ICA1: variants seen among roughly 807,000 people sequenced by gnomAD.
ICA1 encodes the protein 69 kDa islet cell autoantigen.
A neutral mutation model predicts 71.0 loss-of-function variants in ICA1; 40 were observed. That is an observed-to-expected ratio of 0.56 (90% CI 0.44 to 0.73). The LOEUF (loss-of-function observed/expected upper bound fraction) is 0.73, where lower values mean the gene tolerates loss of function less well. ICA1 is among the 30% of genes least tolerant of loss of function. ICA1 has a pLI of 0.00. For synonymous variants in ICA1, 207 were observed against 209.5 expected, an observed-to-expected ratio of 0.99 and a Z score of 0.10; for missense variants, 578 against 576.5, an observed-to-expected ratio of 1.00 and a Z score of -0.03.
intron 2 of ICA1, among the ~76,000 whole-genome samples, chr7:8,233,394 A>T (rs1003304357): frequency 4.9e-5 from 7 of 142,730 alleles, no homozygotes; most frequent in African/African-American, 1.0e-4. Flanking sequence ...TATTCTTGGT[A>T]TTTTTTTTTT....
chr7:8,243,975 G>C (rs1370986618), intron 1 of ICA1, among the ~76,000 whole-genome samples: 1 of 152,148 alleles, frequency 6.6e-6, no homozygotes, highest in Non-Finnish European at 1.5e-5. Flanking sequence ...TCAATATTGT[G>C]AAAATGGCCA....
At chr7:8,199,638 C>A (rs770340925) in intron 6 of ICA1, among the ~76,000 whole-genome samples, 4 of 152,242 alleles carry the variant, frequency 2.6e-5, no homozygotes, top group Admixed American at 2.0e-4. Context: ...TGCCTGAACC[C>A]AGGAGGCAGA....
In ICA1 at chr7:8,130,639, G is replaced by A. The variant is rs551549461; in HGVS notation, c.1061-2497C>T. On this transcript the variant is annotated intron_variant, in intron 12 of 13. Transcript: ENST00000402384. The surrounding 1 kb of genome is among the most constrained non-coding windows in gnomAD (Gnocchi z 4.2). ...AGCAGATAATTTCAAATGCACCTTG[G>A]AAATGACGTATGTTCCTTCTACAGT... Among the ~76,000 whole-genome samples, 266 of 152,236 alleles carry A rather than the reference G, an allele frequency of 1.7e-3. 1 individual carries two copies. The highest frequency in any genetic ancestry group is 6.0e-3 in the African/African-American group (251 of 41,542).
chr7:8,195,674 G>A (rs746033454), intron 6 of ICA1, among the ~76,000 whole-genome samples: 55 of 152,018 alleles, frequency 3.6e-4, no homozygotes, highest in Non-Finnish European at 5.7e-4. Context: ...GCTCCTTGGT[G>A]TCCACCTGGA....
At chr7:8,209,828 C>G (rs1793010345) in intron 6 of ICA1, among the ~76,000 whole-genome samples, 1 of 152,126 alleles carries the variant, frequency 6.6e-6, no homozygotes, top group South Asian at 2.1e-4. Context: ...GTGGGAGAAA[C>G]AGAGCCTGCA....
intron 8 of ICA1, among the ~76,000 whole-genome samples, chr7:8,148,762 A>C (rs1433167294): frequency 3.3e-5 from 5 of 152,222 alleles, no homozygotes; most frequent in African/African-American, 1.2e-4. Context: ...AGCAAGGAAA[A>C]AAACAATAAC....
rs531077174 is a variant in ICA1, at chr7:8,120,182, T to C, written c.1331-6138A>G. Among the ~76,000 whole-genome samples the C allele has an allele frequency of 7.2e-5, 11 of 152,316 alleles. No homozygotes were observed. In the South Asian group the frequency reaches 2.3e-3, roughly 32 times the overall value. ...AGGGTATCATTATTCCCTTTCCCCG[T>C]AGTGTGAGGCAGAAACAACAGCCAG... On this transcript the variant is annotated intron_variant, in intron 13 of 13. Transcript: ENST00000402384.
chr7:8,192,196 C>A (rs1355559698), intron 6 of ICA1, among the ~76,000 whole-genome samples: 1 of 152,102 alleles, frequency 6.6e-6, no homozygotes, highest in East Asian at 1.9e-4. Flanking sequence ...TATCAATTGT[C>A]CCAATAATAT....
chr7:8,219,945 A>T (rs1181142878), intron 5 of ICA1, among the ~76,000 whole-genome samples: 1 of 152,208 alleles, frequency 6.6e-6, no homozygotes, highest in Admixed American at 6.5e-5. Flanking sequence ...ATATTTTTTT[A>T]GGAATCAATT....
At chr7:8,158,754 GAA>G in intron 6 of ICA1, 102 bp from the exon 7 acceptor site, 1 of 1,214,982 alleles carries the variant, frequency 8.2e-7, no homozygotes, top group South Asian at 1.5e-5. Context: ...TTTCACATAT[GAA>G]AAGACTTTTG....
chr7:8,204,415 C>T (rs1017286091), intron 6 of ICA1, among the ~76,000 whole-genome samples: 2 of 152,184 alleles, frequency 1.3e-5, no homozygotes, highest in Non-Finnish European at 1.5e-5. Context: ...TTCATACCCT[C>T]GCTAAACTCT....
At chr7:8,191,882 C>A (rs1159095290) in intron 6 of ICA1, among the ~76,000 whole-genome samples, 2 of 151,880 alleles carry the variant, frequency 1.3e-5, no homozygotes, top group African/African-American at 4.8e-5. Flanking sequence ...AACATAATTC[C>A]AGACTTCTAG....
chr7:8,262,543 C>T (rs545787639), upstream of ICA1: 2 of 152,366 alleles, frequency 1.3e-5, no homozygotes, highest in African/African-American at 4.8e-5. Flanking sequence ...CGCTCGGATC[C>T]GCCGCCCAGA....
intron 1 of ICA1, among the ~76,000 whole-genome samples, chr7:8,259,040 C>T (rs1450261269): frequency 6.6e-6 from 1 of 152,162 alleles, no homozygotes; most frequent in Non-Finnish European, 1.5e-5. Context: ...CCCTAGGGAT[C>T]AGAGCTACCT....
In ICA1 at chr7:8,144,576, G is replaced by C. The variant is rs1796260408; in HGVS notation, c.805-604C>G. Among the ~76,000 whole-genome samples the C allele has an allele frequency of 6.6e-6, 1 of 152,094 alleles. No homozygotes were observed. Among genetic ancestry groups the C allele is most frequent in the African/African-American group, 2.4e-5 (1 of 41,404 alleles). ...AATCTTTGTAGATTAAAATGGGTGA[G>C]AGTCTTCTTTTGGCACATCATTTGT... On this transcript the variant is annotated intron_variant, in intron 8 of 13. Transcript: ENST00000402384. The surrounding 1 kb of genome is among the most constrained non-coding windows in gnomAD (Gnocchi z 4.5).
chr7:8,185,981 A>G (rs1323725742), intron 6 of ICA1, among the ~76,000 whole-genome samples: 2 of 152,242 alleles, frequency 1.3e-5, no homozygotes, highest in Admixed American at 1.3e-4. Context: ...ATTCTGAAAG[A>G]GGAGCTATAC....
rs1166867382 is a variant in ICA1 at position 8,130,311 on chromosome 7, A to G, written c.1061-2169T>C. 6.6e-6 allele frequency among the ~76,000 whole-genome samples: 1 copy of G among 152,124 alleles called. No individual in the cohort carries two copies. Among genetic ancestry groups the G allele is most frequent in the Non-Finnish European group, 1.5e-5 (1 of 68,034 alleles). On this transcript the variant is annotated intron_variant, in intron 12 of 13. Coordinates refer to ENST00000402384, the MANE Select transcript of ICA1 (RefSeq NM_001136020.3). This position sits in a 1 kb window ranked among gnomAD's most constrained non-coding sequence, Gnocchi z 4.2. ...GCCTGCACATGGTGGGCGAGGCAGG[A>G]CTGTAAGGTCAGGCAGGTGGCCCAC...
intron 6 of ICA1, among the ~76,000 whole-genome samples, chr7:8,176,036 T>C (rs1372918440): frequency 6.6e-6 from 1 of 152,198 alleles, no homozygotes; most frequent in African/African-American, 2.4e-5. Context: ...GCAACTCCCC[T>C]CATTTTACAG....
At chr7:8,152,888 CACTACCACCATT>C (rs1562705742) in intron 8 of ICA1, among the ~76,000 whole-genome samples, 105 of 124,020 alleles carry the variant, frequency 8.5e-4, no homozygotes, top group African/African-American at 1.3e-3. Flanking sequence ...CCTCCACCAC[CACTACCACCATT>C]ATCTCCTTCA....
Sources: allele counts gnomAD v4.1 joint callset (sites outside exome capture counted in the v4.1 genomes callset), GRCh38; gene constraint gnomAD v4.1.1; non-coding constraint Gnocchi (gnomAD v3.1); transcripts MANE v1.5; gene names NCBI Gene and HGNC (gene_info 2026-07-23, HGNC 2026-07-21).